The following LPAR2 variants were observed in gnomAD, a reference collection of about 807,000 sequenced individuals.
The protein encoded by LPAR2 is G protein-coupled receptor.
In LPAR2, 10 loss-of-function variants were observed where a neutral mutation model predicts 15.6. The observed-to-expected ratio is 0.64, with a 90% confidence interval of 0.39 to 1.09. LPAR2 has a LOEUF of 1.09. Ranked by LOEUF, LPAR2 falls within the 50% of genes least tolerant of loss-of-function variation. The pLI, the probability that LPAR2 is intolerant of heterozygous loss-of-function variation, is 0.01. For synonymous variants in LPAR2, 204 were observed against 207.4 expected, an observed-to-expected ratio of 0.98 and a Z score of 0.14; for missense variants, 413 against 484.6, an observed-to-expected ratio of 0.85 and a Z score of 1.39.
chr19:19,627,128 C>A lies in LPAR2; in HGVS notation c.157G>T (p.Val53Phe). Residue 53 changes from valine (V) to phenylalanine (F), a missense_variant, in exon 2 of 3, where the codon GTC becomes TTC. Coordinates refer to ENST00000407877, the MANE Select transcript of LPAR2 (RefSeq NM_004720.7). The surrounding 1 kb of genome is among the most constrained non-coding windows in gnomAD (Gnocchi z 4.7). ...CGGTTGGAGGCGATGGCTGCTATGACCAGCAGATTGGTCAGCAGCACCAGC... is the reference window on the plus strand; with the variant it reads ...CGGTTGGAGGCGATGGCTGCTATGAACAGCAGATTGGTCAGCAGCACCAGC... 6.2e-7 allele frequency: 1 copy of A among 1,612,918 alleles called. No individual in the cohort carries two copies. Among genetic ancestry groups the A allele is most frequent in the Non-Finnish European group, 8.5e-7 (1 of 1,179,726 alleles).
At position 19,624,641 on chromosome 19, in the gene LPAR2, T is replaced by C. The variant is rs868199546; in HGVS notation, c.743-72A>G. 1.7e-5 allele frequency: 23 copies of C among 1,323,294 alleles called. 1 individual carries two copies. The Middle Eastern group carries it at 3.0e-3, about 174-fold the overall frequency. 82.0% of individuals were successfully genotyped at this position (1,323,294 alleles called of 1,614,324 possible). ...GGCACCTACAGCTCTCAGTTTGGGG[T>C]TGGAGTGGTCTCCAGAGCTCGAGCA... On this transcript the variant is annotated intron_variant, in intron 2 of 2. Coordinates refer to ENST00000407877, the MANE Select transcript of LPAR2 (RefSeq NM_004720.7).
chr19:19,624,025 G>A lies in LPAR2; in HGVS notation c.*231C>T. ...CCCCTAAACCTGAGATGGCTGAAGA[G>A]CCAGATTCCTGCACCCCATCTGACT... On this transcript the variant is annotated 3_prime_UTR_variant, in exon 3 of 3. Transcript: ENST00000407877. The A allele has an allele frequency of 1.8e-6, 1 of 565,140 alleles. No individual in the cohort carries two copies. 35.0% of individuals were successfully genotyped at this position (565,140 alleles called of 1,614,324 possible). A position where few individuals can be genotyped will look rare whatever the true frequency, so the allele number is the denominator to read the frequency against.
rs1441223175 is a variant in LPAR2, at chr19:19,626,009, G to C, written c.742+534C>G. ...AGCAATTCTCCTGCCTCAGGCTCCC[G>C]AGTAGCTGGGATTACAGGCACACAC... On this transcript the variant is annotated intron_variant, in intron 2 of 2. Transcript: ENST00000407877. This position sits in a 1 kb window ranked among gnomAD's most constrained non-coding sequence, Gnocchi z 5.3. Among the ~76,000 whole-genome samples, 1 of 150,632 alleles carries C rather than the reference G, an allele frequency of 6.6e-6. No homozygotes were observed. Among genetic ancestry groups the C allele is most frequent in the Non-Finnish European group, 1.5e-5 (1 of 67,782 alleles).
In LPAR2 at chr19:19,627,491, C is replaced by A; in HGVS notation, c.1-207G>T. The A allele has an allele frequency of 1.7e-6, 1 of 587,126 alleles. No homozygotes were observed. Among genetic ancestry groups the A allele is most frequent in the Non-Finnish European group, 3.0e-6 (1 of 329,288 alleles). 36.4% of individuals were successfully genotyped at this position (587,126 alleles called of 1,614,324 possible). ...GAGGTGGAGGAGCAGCTGTTTCTTA[C>A]CTACTAATAAGACCTGTGTGCAAGA... On this transcript the variant is annotated intron_variant, in intron 1 of 2. Transcript: ENST00000407877. This position sits in a 1 kb window ranked among gnomAD's most constrained non-coding sequence, Gnocchi z 4.7.
rs747392013 is a variant in LPAR2, at chr19:19,626,738, G to A, written c.547C>T (p.Pro183Ser). Residue 183 changes from proline (P) to serine (S), a missense_variant, in exon 2 of 3, where the codon CCC (proline) becomes TCC (serine). Physicochemically the swap from Pro to Ser is moderately conservative, Grantham distance 74. Coordinates refer to ENST00000407877, the MANE Select transcript of LPAR2 (RefSeq NM_004720.7). This position sits in a 1 kb window ranked among gnomAD's most constrained non-coding sequence, Gnocchi z 5.3. ...GCCAAATAGGAGCGGCTGAGCAGGG[G>A]TGCCATGCGTGAGCAGCGGTCCAGG... The A allele has an allele frequency of 5.6e-6, 9 of 1,613,134 alleles. No individual in the cohort carries two copies. Among genetic ancestry groups the A allele is most frequent in the African/African-American group, 1.3e-5 (1 of 74,934 alleles).
chr19:19,626,573 T>C lies in LPAR2; in HGVS notation c.712A>G (p.Ser238Gly), dbSNP rs777676781. The change falls in exon 2 of 3, where the codon AGC becomes GGC. Residue 238 changes from serine (S) to glycine (G), a missense_variant. Coordinates refer to ENST00000407877, the MANE Select transcript of LPAR2 (RefSeq NM_004720.7). The surrounding 1 kb of genome is among the most constrained non-coding windows in gnomAD (Gnocchi z 5.3). ...ATGATGACAACAGTCTTGACCAGGC[T>C]GAGCGTGGTCTCTCGGTAGCGGGGG... 7 of 1,611,546 alleles carry C rather than the reference T, an allele frequency of 4.3e-6. No individual in the cohort carries two copies. The highest frequency in any genetic ancestry group is 1.1e-5 in the South Asian group (1 of 90,826).
In LPAR2 at chr19:19,627,544, C is replaced by G; in HGVS notation, c.1-260G>C. ...TCACCCAAGTCAATAGGTTTTTGAA[C>G]CAGAAGTGAAACAAAACCCATCTAT... On this transcript the variant is annotated intron_variant, in intron 1 of 2. Coordinates refer to ENST00000407877, the MANE Select transcript of LPAR2 (RefSeq NM_004720.7). The surrounding 1 kb of genome is among the most constrained non-coding windows in gnomAD (Gnocchi z 4.7). 2.1e-6 allele frequency: 1 copy of G among 474,372 alleles called. No individual in the cohort carries two copies. Among genetic ancestry groups the G allele is most frequent in the Non-Finnish European group, 3.8e-6 (1 of 262,690 alleles). 29.4% of individuals were successfully genotyped at this position (474,372 alleles called of 1,614,324 possible).
chr19:19,627,255 G>A lies in LPAR2; in HGVS notation c.30C>T (p.Asn10=), dbSNP rs925544034. ...TGTTATAGAAGAAGCCGATGGTCTCGTTGTAGTAGCACTGGCCCATGATGA... is the reference window on the plus strand; with the variant it reads ...TGTTATAGAAGAAGCCGATGGTCTCATTGTAGTAGCACTGGCCCATGATGA... The change falls in exon 2 of 3, where the codon AAC becomes AAT. Residue 10 remains asparagine (N), a synonymous_variant. Coordinates refer to ENST00000407877, the MANE Select transcript of LPAR2 (RefSeq NM_004720.7). This position sits in a 1 kb window ranked among gnomAD's most constrained non-coding sequence, Gnocchi z 4.7. The A allele has an allele frequency of 5.0e-6, 8 of 1,604,490 alleles. No homozygotes were observed. The highest frequency in any genetic ancestry group is 6.8e-6 in the Non-Finnish European group (8 of 1,179,860).
Position 19,626,587 on chromosome 19 carries a change from C to T in LPAR2, c.698G>A (p.Arg233Gln), listed in dbSNP as rs202083644. The T allele has an allele frequency of 1.7e-5, 28 of 1,612,624 alleles. No homozygotes were observed. The highest frequency in any genetic ancestry group is 1.6e-4 in the East Asian group (7 of 44,882). ...CTTGACCAGGCTGAGCGTGGTCTCTCGGTAGCGGGGGTGGCAGCTGACATG... is the reference window on the plus strand; with the variant it reads ...CTTGACCAGGCTGAGCGTGGTCTCTTGGTAGCGGGGGTGGCAGCTGACATG... The change falls in exon 2 of 3, where the codon CGA becomes CAA. Residue 233 changes from arginine to glutamine, a missense_variant. Arg to Gln is a conservative substitution (Grantham distance 43, BLOSUM62 1). Coordinates refer to ENST00000407877, the MANE Select transcript of LPAR2 (RefSeq NM_004720.7). The surrounding 1 kb of genome is among the most constrained non-coding windows in gnomAD (Gnocchi z 5.3).
chr19:19,625,713 G>A (rs2061736088), intron 2 of LPAR2, among the ~76,000 whole-genome samples: 1 of 149,094 alleles, frequency 6.7e-6, no homozygotes, highest in African/African-American at 2.5e-5. Context: ...AACCTGGGAG[G>A]CAGAAGTTGC....
Position 19,626,512 on chromosome 19 carries a change from G to A in LPAR2, c.742+31C>T. ...CTTGTGGGAGATAGGGGGAAGCAGG[G>A]TCCCTGTTGCCCCCTGGGGGCCCCA... On this transcript the variant is annotated intron_variant, in intron 2 of 2. Coordinates refer to ENST00000407877, the MANE Select transcript of LPAR2 (RefSeq NM_004720.7). This position sits in a 1 kb window ranked among gnomAD's most constrained non-coding sequence, Gnocchi z 5.3. 6.4e-7 allele frequency: 1 copy of A among 1,558,496 alleles called. No individual in the cohort carries two copies. Among genetic ancestry groups the A allele is most frequent in the Middle Eastern group, 1.7e-4 (1 of 5,760 alleles).
intron 2 of LPAR2, among the ~76,000 whole-genome samples, chr19:19,624,821 G>A (rs1288682711): frequency 6.6e-6 from 1 of 151,424 alleles, no homozygotes; most frequent in Non-Finnish European, 1.5e-5. Flanking sequence ...GTGTGTGTGT[G>A]TGTGTGTGTG....
chr19:19,624,234 G>C lies in LPAR2; in HGVS notation c.*22C>G, dbSNP rs117593489. 2 of 1,584,160 alleles carry C rather than the reference G, an allele frequency of 1.3e-6. No homozygotes were observed. Among genetic ancestry groups the C allele is most frequent in the African/African-American group, 2.7e-5 (2 of 74,474 alleles). On this transcript the variant is annotated 3_prime_UTR_variant, in exon 3 of 3. Transcript: ENST00000407877. ...GGGCTGTGGATTTGTTGCTTGCCGC[G>C]TACCGCTGAAGTTCAAGGTAGCTAA...
rs2084099887 is a variant in LPAR2, at chr19:19,627,833, G to A, written c.-1+259C>T. The A allele has an allele frequency of 1.3e-5, 2 of 156,822 alleles. No individual in the cohort carries two copies. The highest frequency in any genetic ancestry group is 6.3e-5 in the Admixed American group (1 of 15,912). The allele number at this position is 156,822 out of a possible 1,614,324, so 9.7% of individuals were successfully genotyped here. ...GAGGCGGCCCCAGAAGTTAGTCGGC[G>A]GGATTTGGGCGCGAGTGCTTCCCAA... On this transcript the variant is annotated intron_variant, in intron 1 of 2. Coordinates refer to ENST00000407877, the MANE Select transcript of LPAR2 (RefSeq NM_004720.7). The surrounding 1 kb of genome is among the most constrained non-coding windows in gnomAD (Gnocchi z 4.7).
In LPAR2 at chr19:19,626,657, G is replaced by A. The variant is rs961983676; in HGVS notation, c.628C>T (p.Arg210Cys). Residue 210 changes from arginine (R) to cysteine (C), a missense_variant, in exon 2 of 3, where the codon CGC (arginine) becomes TGC (cysteine). By Grantham distance (180) the Arg-to-Cys change is radical. Coordinates refer to ENST00000407877, the MANE Select transcript of LPAR2 (RefSeq NM_004720.7). The surrounding 1 kb of genome is among the most constrained non-coding windows in gnomAD (Gnocchi z 5.3). Reference sequence around the variant, plus strand: ...CGCCGCCGCACGTAGAAGAAAATGCGGGTGTACACAGCCACCATGAGCAGG... The same window carrying A: ...CGCCGCCGCACGTAGAAGAAAATGCAGGTGTACACAGCCACCATGAGCAGG... 7 of 1,613,368 alleles carry A rather than the reference G, an allele frequency of 4.3e-6. No homozygotes were observed. Among genetic ancestry groups the A allele is most frequent in the African/African-American group, 1.3e-5 (1 of 74,928 alleles).
chr19:19,626,554 A>G lies in LPAR2; in HGVS notation c.731T>C (p.Val244Ala). 1.9e-6 allele frequency: 3 copies of G among 1,599,926 alleles called. No homozygotes were observed. The highest frequency in any genetic ancestry group is 2.6e-6 in the Non-Finnish European group (3 of 1,171,986). The change falls in exon 2 of 3, where the codon GTC (valine) becomes GCC (alanine). Residue 244 changes from valine to alanine, a missense_variant. Physicochemically the swap from Val to Ala is moderately conservative, Grantham distance 64. Coordinates refer to ENST00000407877, the MANE Select transcript of LPAR2 (RefSeq NM_004720.7). The surrounding 1 kb of genome is among the most constrained non-coding windows in gnomAD (Gnocchi z 5.3). ...GGGGCCCCACTTACCCAGGATGATG[A>G]CAACAGTCTTGACCAGGCTGAGCGT... is the stretch of plus-strand genomic sequence containing the variant.
Position 19,624,309 on chromosome 19 carries a change from T to C in LPAR2, c.1003A>G (p.Thr335Ala). The C allele has an allele frequency of 6.2e-7, 1 of 1,612,922 alleles. No individual in the cohort carries two copies. Among genetic ancestry groups the C allele is most frequent in the Non-Finnish European group, 8.5e-7 (1 of 1,179,130 alleles). ...CCGTTCTCGGGAAGCATGATGCGAG[T>C]GCTGGCACCTCCCTGGGCAGAGGAT... Residue 335 changes from threonine to alanine, a missense_variant, in exon 3 of 3, where the codon ACT (threonine) becomes GCT (alanine). By Grantham distance (58) the Thr-to-Ala change is moderately conservative. Transcript: ENST00000407877.
In LPAR2 at chr19:19,626,172, T is replaced by G. The variant is rs972018070; in HGVS notation, c.742+371A>C. Among the ~76,000 whole-genome samples, 1 of 152,096 alleles carries G rather than the reference T, an allele frequency of 6.6e-6. No individual in the cohort carries two copies. The highest frequency in any genetic ancestry group is 1.5e-5 in the Non-Finnish European group (1 of 68,022). On this transcript the variant is annotated intron_variant, in intron 2 of 2. Transcript: ENST00000407877. This position sits in a 1 kb window ranked among gnomAD's most constrained non-coding sequence, Gnocchi z 5.3. ...TGCTGGGATTACAGGCGTGAGCCACTGTGCCCGGCTAGCACTGCTAAAAAC... is the reference window on the plus strand; with the variant it reads ...TGCTGGGATTACAGGCGTGAGCCACGGTGCCCGGCTAGCACTGCTAAAAAC...
chr19:19,627,274 A>G lies in LPAR2; in HGVS notation c.11T>C (p.Met4Thr). 6.2e-7 allele frequency: 1 copy of G among 1,600,482 alleles called. No homozygotes were observed. The highest frequency in any genetic ancestry group is 2.2e-5 in the East Asian group (1 of 44,872). ...GGTCTCGTTGTAGTAGCACTGGCCCATGATGACCATCTGGGGACACAAGAG... is the reference window on the plus strand; with the variant it reads ...GGTCTCGTTGTAGTAGCACTGGCCCGTGATGACCATCTGGGGACACAAGAG... Residue 4 changes from methionine (M) to threonine (T), a missense_variant, in exon 2 of 3, where the codon ATG becomes ACG. Met to Thr is a moderately conservative substitution (Grantham distance 81). Coordinates refer to ENST00000407877, the MANE Select transcript of LPAR2 (RefSeq NM_004720.7). The surrounding 1 kb of genome is among the most constrained non-coding windows in gnomAD (Gnocchi z 4.7).
Sources: allele counts gnomAD v4.1 joint callset (sites outside exome capture counted in the v4.1 genomes callset), GRCh38; gene constraint gnomAD v4.1.1; non-coding constraint Gnocchi (gnomAD v3.1); transcripts MANE v1.5; gene names NCBI Gene and HGNC (gene_info 2026-07-23, HGNC 2026-07-21).